RAD54B: variants seen among roughly 807,000 people sequenced by gnomAD.
RAD54B encodes DNA repair and recombination protein RAD54B.
RAD54B carries 78 observed loss-of-function variants against 95.8 expected under a neutral mutation model. The observed-to-expected ratio is 0.81, with a 90% confidence interval of 0.68 to 0.98. The LOEUF is 0.98. Among genes scored for constraint, RAD54B ranks in the 50% least tolerant of loss-of-function variants. The pLI is 0.00. For missense variants in RAD54B, 957 were observed against 1,056.6 expected, an observed-to-expected ratio of 0.91 and a Z score of 1.31; for synonymous variants, 328 against 354.9, an observed-to-expected ratio of 0.92 and a Z score of 0.85.
At chr8:94,441,403 T>C (rs1812393091) in intron 3 of RAD54B, among the ~76,000 whole-genome samples, 1 of 152,176 alleles carries the variant, frequency 6.6e-6, no homozygotes. Context: ...TCTATTAGTT[T>C]GCTAGAGTGG....
chr8:94,459,103 T>C (rs933339141), intron 2 of RAD54B, among the ~76,000 whole-genome samples: 19 of 152,112 alleles, frequency 1.2e-4, no homozygotes, highest in Admixed American at 1.2e-3. Flanking sequence ...TTAAATATTT[T>C]TAGGTGAGAT....
At chr8:94,458,485 T>C (rs768833010) in intron 2 of RAD54B, 49 bp from the exon 3 acceptor site, 2 of 1,234,672 alleles carry the variant, frequency 1.6e-6, no homozygotes, top group Middle Eastern at 3.0e-4. Flanking sequence ...CCTAATTTTC[T>C]GTATTTTCTG....
chr8:94,427,805 A>G (rs1207214392), intron 3 of RAD54B: 21 of 958,634 alleles, frequency 2.2e-5, no homozygotes, highest in African/African-American at 3.5e-5. Flanking sequence ...ACAATTTATT[A>G]CACTCTAAGT....
At chr8:94,388,531 C>T (rs1313581577) in intron 10 of RAD54B, among the ~76,000 whole-genome samples, 3 of 152,076 alleles carry the variant, frequency 2.0e-5, no homozygotes, top group Non-Finnish European at 4.4e-5. Context: ...CAGGGGTCAG[C>T]CCCCCTAACC....
chr8:94,382,322 G>T (rs535357938), intron 11 of RAD54B, among the ~76,000 whole-genome samples: 3 of 152,082 alleles, frequency 2.0e-5, no homozygotes, highest in Non-Finnish European at 4.4e-5. Context: ...ATCGAAATTT[G>T]AAAATCATCG....
At chr8:94,427,745 CAT>C (rs1446170758) in intron 3 of RAD54B, 6 of 977,374 alleles carry the variant, frequency 6.1e-6, no homozygotes, top group Admixed American at 1.2e-4. Flanking sequence ...TTTAAAAGAA[CAT>C]GTGTTAACAA....
At chr8:94,377,298 G>A (rs1490679490) in intron 14 of RAD54B, among the ~76,000 whole-genome samples, 4 of 151,938 alleles carry the variant, frequency 2.6e-5, no homozygotes, top group Non-Finnish European at 5.9e-5. Context: ...CACTTTGAGA[G>A]GCTGAGGCGG....
At chr8:94,448,333 G>A (rs1812569886) in intron 3 of RAD54B, among the ~76,000 whole-genome samples, 1 of 152,136 alleles carries the variant, frequency 6.6e-6, no homozygotes, top group African/African-American at 2.4e-5. Flanking sequence ...GATAACAAAT[G>A]TTGGCAAGGG....
At chr8:94,400,485 C>T (rs1406977956) in intron 6 of RAD54B, 22 bp from the exon 7 acceptor site, 4 of 1,557,234 alleles carry the variant, frequency 2.6e-6, no homozygotes, top group South Asian at 2.4e-5. Flanking sequence ...AATTTTACTT[C>T]CTTTAATCAC....
chr8:94,391,513 A>T lies in RAD54B; in HGVS notation c.1809+96T>A, dbSNP rs371877981. On this transcript the variant is annotated intron_variant, in intron 10 of 14. Coordinates refer to ENST00000336148, the MANE Select transcript of RAD54B (RefSeq NM_012415.3). ...CAGCAGAGCTTTTTGAAAACCCACAAATGCAACCTCAGAAATTAGCCCTGT... is the reference window on the plus strand; with the variant it reads ...CAGCAGAGCTTTTTGAAAACCCACATATGCAACCTCAGAAATTAGCCCTGT... 75 of 1,325,154 alleles carry T rather than the reference A, an allele frequency of 5.7e-5. No individual in the cohort carries two copies. The African/African-American group carries it at 9.0e-4, about 16-fold the overall frequency. 82.1% of individuals were successfully genotyped at this position (1,325,154 alleles called of 1,614,324 possible).
At position 94,399,620 on chromosome 8, in the gene RAD54B, T is replaced by C. The variant is rs971957727; in HGVS notation, c.1172A>G (p.Asp391Gly). ...ERIKIFTVDQ[D>G]HKVEEFIKSI... Reference sequence around the variant, plus strand: ...CTTGATGAATTCTTCAACTTTGTGGTCCTGAGGAAAAAAGATAGTATTTTA... The same window carrying C: ...CTTGATGAATTCTTCAACTTTGTGGCCCTGAGGAAAAAAGATAGTATTTTA... The change falls in exon 8 of 15, where the codon GAC becomes GGC. Residue 391 changes from aspartate (D) to glycine (G), a missense_variant and splice_region_variant. Physicochemically the swap from Asp to Gly is moderately conservative, Grantham distance 94 (BLOSUM62 -1). Coordinates refer to ENST00000336148, the MANE Select transcript of RAD54B (RefSeq NM_012415.3). 4 of 1,598,318 alleles carry C rather than the reference T, an allele frequency of 2.5e-6. No homozygotes were observed. Among genetic ancestry groups the C allele is most frequent in the Non-Finnish European group, 3.4e-6 (4 of 1,175,498 alleles).
chr8:94,404,960 C>T (rs767442165), intron 5 of RAD54B, among the ~76,000 whole-genome samples: 6 of 151,846 alleles, frequency 4.0e-5, no homozygotes, highest in South Asian at 2.1e-4. Flanking sequence ...ATTACAGGTT[C>T]GCGCCACCAC....
intron 2 of RAD54B, among the ~76,000 whole-genome samples, chr8:94,464,620 T>C (rs1197074211): frequency 6.6e-6 from 1 of 152,224 alleles, no homozygotes; most frequent in East Asian, 1.9e-4. Context: ...AAATTGATTG[T>C]GGAGATGGCT....
At chr8:94,405,447 C>G (rs1326477693) in intron 5 of RAD54B, among the ~76,000 whole-genome samples, 1 of 152,146 alleles carries the variant, frequency 6.6e-6, no homozygotes, top group Non-Finnish European at 1.5e-5. Context: ...TATACTGTCA[C>G]AGGAATAAGA....
intron 3 of RAD54B, among the ~76,000 whole-genome samples, chr8:94,412,945 T>G (rs1050876723): frequency 1.3e-5 from 2 of 152,150 alleles, no homozygotes; most frequent in Non-Finnish European, 2.9e-5. Context: ...TAAAATTTTT[T>G]AAATTCCATT....
At chr8:94,455,084 T>C (rs1311054854) in intron 3 of RAD54B, among the ~76,000 whole-genome samples, 1 of 152,212 alleles carries the variant, frequency 6.6e-6, no homozygotes, top group African/African-American at 2.4e-5. Context: ...CACTACCGAA[T>C]TTATTTATTT....
chr8:94,399,194 T>C (rs999222409), intron 8 of RAD54B, among the ~76,000 whole-genome samples: 1 of 152,158 alleles, frequency 6.6e-6, no homozygotes, highest in Non-Finnish European at 1.5e-5. Flanking sequence ...CTTATCATGA[T>C]ATCATTGTGT....
At position 94,404,165 on chromosome 8, in the gene RAD54B, C is replaced by G. The variant is rs1383850542; in HGVS notation, c.856G>C (p.Val286Leu). ...TATACAAGGTAAGGATCAATCACTA[C>G]ATCCACAAGAGGGAAACAGTTCTTA... is the stretch of plus-strand genomic sequence containing the variant. ...FNKNCFPLVD[V>L]VIDPYLVYHL... The change falls in exon 6 of 15, where the codon GTA (valine) becomes CTA (leucine). Residue 286 changes from valine (V) to leucine (L), a missense_variant. Val to Leu is a conservative substitution (Grantham distance 32). Coordinates refer to ENST00000336148, the MANE Select transcript of RAD54B (RefSeq NM_012415.3). 5.0e-6 allele frequency: 8 copies of G among 1,611,152 alleles called. No homozygotes were observed. The highest frequency in any genetic ancestry group is 1.3e-5 in the African/African-American group (1 of 74,856).
At chr8:94,375,673 G>A (rs1195520304) in intron 14 of RAD54B, among the ~76,000 whole-genome samples, 1 of 152,112 alleles carries the variant, frequency 6.6e-6, no homozygotes, top group Non-Finnish European at 1.5e-5. Context: ...AGATTATACA[G>A]CTGAGGAAGA....
Sources: gnomAD v4.1 joint callset for allele counts (sites outside exome capture counted in the v4.1 genomes callset) on GRCh38, gnomAD v4.1.1 for gene constraint, MANE v1.5 for transcripts, NCBI Gene and HGNC (gene_info 2026-07-23, HGNC 2026-07-21) for gene names.